RNF214: variants seen among roughly 807,000 people sequenced by gnomAD.
RNF214 encodes ring finger protein 214.
RNF214 carries 25 observed loss-of-function variants against 75.9 expected under a neutral mutation model. The ratio of observed to expected loss-of-function variants is 0.33; its 90% CI spans 0.24 to 0.46. The LOEUF is 0.46. Among genes scored for constraint, RNF214 ranks in the 20% least tolerant of loss-of-function variants. RNF214 has a pLI of 1.00. For synonymous variants in RNF214, 314 were observed against 308.8 expected (o/e 1.02, Z -0.18); for missense variants, 725 against 857.5 (o/e 0.85, Z 1.93).
intron 14 of RNF214, 110 bp from the exon 15 acceptor site, chr11:117,284,976 C>T (rs2134428242): frequency 1.3e-6 from 1 of 740,978 alleles, no homozygotes; most frequent in East Asian, 2.5e-5. Flanking sequence ...TCTTGTACCT[C>T]AGTGTAAGAA....
chr11:117,281,677 T>G lies in RNF214; in HGVS notation c.1314T>G (p.Thr438=), dbSNP rs1310897048. ...LSSLPQIPTP[T]LPPPPSETDF... is the part of the protein sequence containing the mutation. ...GCCTTCCTCAAATCCCTACTCCCACTTTACCTCCACCCCCATCAGAGGTAA... is the reference window on the plus strand; with the variant it reads ...GCCTTCCTCAAATCCCTACTCCCACGTTACCTCCACCCCCATCAGAGGTAA... Residue 438 remains threonine, a synonymous_variant, in exon 10 of 15, where the codon ACT becomes ACG. Coordinates refer to ENST00000300650, the MANE Select transcript of RNF214 (RefSeq NM_207343.4). 9 of 1,613,160 alleles carry G rather than the reference T, an allele frequency of 5.6e-6. No homozygotes were observed. Among genetic ancestry groups the G allele is most frequent in the Non-Finnish European group, 8.5e-7 (1 of 1,179,350 alleles).
intron 6 of RNF214, among the ~76,000 whole-genome samples, chr11:117,249,466 C>T (rs1180036833): frequency 1.3e-5 from 2 of 152,026 alleles, no homozygotes; most frequent in Non-Finnish European, 1.5e-5. Context: ...TTCAGTTTTC[C>T]GGAAGCAGGG....
intron 6 of RNF214, among the ~76,000 whole-genome samples, chr11:117,252,774 C>T (rs962644337): frequency 2.0e-5 from 3 of 152,214 alleles, no homozygotes; most frequent in East Asian, 3.8e-4. Flanking sequence ...CCCGCCTTGG[C>T]CTCCCAAAGT....
intron 1 of RNF214, 33 bp from the exon 2 acceptor site, chr11:117,234,234 C>T (rs1404850059): frequency 2.0e-6 from 3 of 1,509,714 alleles, no homozygotes; most frequent in African/African-American, 1.4e-5. Context: ...ACTTTGGAAA[C>T]TTGTAGCCTG....
In RNF214 at chr11:117,282,697, C is replaced by G. The variant is rs763923354; in HGVS notation, c.1846-49C>G. The G allele has an allele frequency of 2.6e-6, 4 of 1,567,770 alleles. No individual in the cohort carries two copies. In the African/African-American group the frequency reaches 4.0e-5, roughly 16 times the overall value. On this transcript the variant is annotated intron_variant, in intron 12 of 14. Transcript: ENST00000300650. ...AAATAAGTGATTTTTGTGATATGCT[C>G]TGTTACTCAGACTCTCTTCCCTTAC...
At chr11:117,276,236 C>T (rs1270444455) in intron 6 of RNF214, among the ~76,000 whole-genome samples, 1 of 152,086 alleles carries the variant, frequency 6.6e-6, no homozygotes, top group Non-Finnish European at 1.5e-5. Flanking sequence ...GAACATACCT[C>T]AAAATAATAA....
In RNF214 at chr11:117,234,361, G is replaced by A. The variant is rs527693273; in HGVS notation, c.89G>A (p.Gly30Asp). ...TTATGTGCTTCCAAATCAGACGAAG[G>A]TCTCCCAGATGGTCTAAGGTAATGT... Reference protein sequence around the residue: ...SSLCASKSDEGLPDGLSTKDS... With the variant: ...SSLCASKSDEDLPDGLSTKDS... Residue 30 changes from glycine to aspartate, a missense_variant, in exon 2 of 15, where the codon GGT (glycine) becomes GAT (aspartate). Physicochemically the swap from Gly to Asp is moderately conservative, Grantham distance 94. Around this residue, in one of 2 missense-constraint regions of RNF214, gnomAD observed 362 missense variants for 344.5 expected, o/e 1.05. Coordinates refer to ENST00000300650, the MANE Select transcript of RNF214 (RefSeq NM_207343.4). The A allele has an allele frequency of 2.5e-6, 4 of 1,613,666 alleles. No homozygotes were observed. Among genetic ancestry groups the A allele is most frequent in the Non-Finnish European group, 3.4e-6 (4 of 1,179,532 alleles).
At chr11:117,249,452 G>T (rs2033313447) in intron 6 of RNF214, among the ~76,000 whole-genome samples, 1 of 152,050 alleles carries the variant, frequency 6.6e-6, no homozygotes, top group Admixed American at 6.6e-5. Context: ...TGTTAAATGT[G>T]GGGTTCAGTT....
intron 14 of RNF214, among the ~76,000 whole-genome samples, chr11:117,283,525 TA>T (rs2034172047): frequency 6.6e-6 from 1 of 151,996 alleles, no homozygotes; most frequent in Non-Finnish European, 1.5e-5. Flanking sequence ...CATGCCTGGC[TA>T]ATTTTTGTAT....
chr11:117,246,280 TA>T (rs113697922), intron 5 of RNF214, among the ~76,000 whole-genome samples: 362 of 143,642 alleles, frequency 2.5e-3, no homozygotes, highest in Middle Eastern at 3.5e-3. Context: ...ACTTCTTATT[TA>T]AAAAAAAAAA....
chr11:117,234,166 TACTGCG>T, intron 1 of RNF214, 95 bp from the exon 2 acceptor site: 1 of 834,340 alleles, frequency 1.2e-6, no homozygotes. Context: ...TGTGTTTCTT[TACTGCG>T]ACAGCTCTGT....
intron 6 of RNF214, among the ~76,000 whole-genome samples, chr11:117,258,348 T>C (rs2033575881): frequency 6.6e-6 from 1 of 152,104 alleles, no homozygotes; most frequent in African/African-American, 2.4e-5. Context: ...TTTACAGGCG[T>C]GAGCCACCAC....
chr11:117,284,987 C>T, intron 14 of RNF214, 99 bp from the exon 15 acceptor site: 1 of 855,050 alleles, frequency 1.2e-6, no homozygotes, highest in Non-Finnish European at 1.9e-6. Flanking sequence ...AGTGTAAGAA[C>T]TTTTCTGACT....
At chr11:117,252,867 A>G (rs2033435614) in intron 6 of RNF214, among the ~76,000 whole-genome samples, 1 of 152,032 alleles carries the variant, frequency 6.6e-6, no homozygotes, top group South Asian at 2.1e-4. Context: ...ATATCTGGTA[A>G]TTATTTGATA....
At chr11:117,250,083 A>G (rs1166148302) in intron 6 of RNF214, among the ~76,000 whole-genome samples, 1 of 152,220 alleles carries the variant, frequency 6.6e-6, no homozygotes, top group Non-Finnish European at 1.5e-5. Flanking sequence ...ACATAGATAA[A>G]CAGATGATTG....
rs1257109795 is a variant in RNF214, at chr11:117,246,871, G to T, written c.882G>T (p.Glu294Asp). Residue 294 changes from glutamate (E) to aspartate (D), a missense_variant, in exon 6 of 15, where the codon GAG (glutamate) becomes GAT (aspartate). Glu to Asp is a conservative substitution (Grantham distance 45). Transcript: ENST00000300650. ...IKREETKKKI[E>D]KEKKEFLQKE... ...GGGAAGAAACAAAGAAGAAGATAGAGAAAGAGAAGAAGGAGTTTTTGCAGA... is the reference window on the plus strand; with the variant it reads ...GGGAAGAAACAAAGAAGAAGATAGATAAAGAGAAGAAGGAGTTTTTGCAGA... 1 of 1,613,184 alleles carries T rather than the reference G, an allele frequency of 6.2e-7. No individual in the cohort carries two copies. The highest frequency in any genetic ancestry group is 2.2e-5 in the East Asian group (1 of 44,872).
intron 6 of RNF214, among the ~76,000 whole-genome samples, chr11:117,253,476 A>G (rs2033448431): frequency 6.6e-6 from 1 of 152,128 alleles, no homozygotes; most frequent in Admixed American, 6.5e-5. Flanking sequence ...TATTGCTGGC[A>G]TTAGAAAGGT....
At chr11:117,267,556 T>TA (rs1457880745) in intron 6 of RNF214, among the ~76,000 whole-genome samples, 1 of 151,114 alleles carries the variant, frequency 6.6e-6, no homozygotes, top group Non-Finnish European at 1.5e-5. Flanking sequence ...CTACAAAAAA[T>TA]ACAAAAAAAA....
chr11:117,244,824 C>G (rs1388255389), intron 5 of RNF214, among the ~76,000 whole-genome samples: 2 of 151,724 alleles, frequency 1.3e-5, no homozygotes, highest in African/African-American at 2.4e-5. Flanking sequence ...TGCCACTATG[C>G]CTGGCTCATT....
Sources: gnomAD v4.1 joint callset for allele counts (sites outside exome capture counted in the v4.1 genomes callset) on GRCh38, gnomAD v4.1.1 for gene constraint, gnomAD v4.1.1 regional missense constraint, MANE v1.5 for transcripts, NCBI Gene and HGNC (gene_info 2026-07-23, HGNC 2026-07-21) for gene names.